Variants in CLIP1 observed in about 807,000 individuals in gnomAD.
CLIP1 encodes CAP-Gly domain containing linker protein 1, also known as CAP-Gly domain-containing linker protein 1.
CLIP1 carries 66 observed loss-of-function variants against 161.6 expected under a neutral mutation model. The observed-to-expected ratio is 0.41, with a 90% CI of 0.33 to 0.50. The LOEUF is 0.50. Among genes scored for constraint, CLIP1 ranks in the 20% least tolerant of loss-of-function variants. CLIP1 has a pLI of 0.27. For synonymous variants in CLIP1, 598 were observed against 626.2 expected, an observed-to-expected ratio of 0.96 and a Z score of 0.67; for missense variants, 1,376 against 1,702.0, an observed-to-expected ratio of 0.81 and a Z score of 3.37.
At chr12:122,291,625 G>C (rs1234949557) in intron 20 of CLIP1, among the ~76,000 whole-genome samples, 1 of 152,144 alleles carries the variant, frequency 6.6e-6, no homozygotes, top group Non-Finnish European at 1.5e-5. Context: ...TTTTTGGCAG[G>C]AACACCACAG....
At chr12:122,277,163 G>T (rs7311354) in intron 24 of CLIP1, 13,438 of 154,328 alleles carry the variant, frequency 0.087, 757 homozygotes, top group African/African-American at 0.16. Context: ...TGCCATTGTT[G>T]CTCAGGCTGG....
intron 17 of CLIP1, among the ~76,000 whole-genome samples, chr12:122,321,560 C>G (rs1392175818): frequency 6.6e-6 from 1 of 152,028 alleles, no homozygotes; most frequent in African/African-American, 2.4e-5. Flanking sequence ...GCTCTGTCAA[C>G]CAGGCTGGAG....
Position 122,279,243 on chromosome 12 carries a change from T to TAAA in CLIP1, c.3648-101_3648-99dup. On this transcript the variant is annotated intron_variant, in intron 21 of 25. Transcript: ENST00000620786. This position sits in a 1 kb window ranked among gnomAD's most constrained non-coding sequence, Gnocchi z 4.5. ...AACACATAATTAATGTTAGTTAATG[T>TAAA]AAAAAAAAAAATATAACAGGGAAGT... The TAAA allele has an allele frequency of 1.6e-6, 1 of 635,292 alleles. No homozygotes were observed. Among genetic ancestry groups the TAAA allele is most frequent in the Non-Finnish European group, 2.5e-6 (1 of 402,140 alleles). 39.4% of individuals were successfully genotyped at this position (635,292 alleles called of 1,614,324 possible).
intron 4 of CLIP1, among the ~76,000 whole-genome samples, chr12:122,362,672 T>TAAAAA: frequency 1.2e-5 from 1 of 84,964 alleles, no homozygotes; most frequent in Non-Finnish European, 2.4e-5. Flanking sequence ...AAAAAAAAAG[T>TAAAAA]TCATTGAAAA....
At chr12:122,366,494 G>C (rs546217655) in intron 3 of CLIP1, among the ~76,000 whole-genome samples, 5 of 151,832 alleles carry the variant, frequency 3.3e-5, no homozygotes, top group African/African-American at 1.2e-4. Flanking sequence ...AATAATAATT[G>C]ACTCTTGCTA....
chr12:122,321,018 T>A (rs1258261426), intron 17 of CLIP1, among the ~76,000 whole-genome samples: 2 of 144,984 alleles, frequency 1.4e-5, no homozygotes, highest in South Asian at 2.2e-4. Flanking sequence ...AGACTCTGTC[T>A]TAAATAAATA....
chr12:122,287,752 AGAGT>A (rs1955915921), intron 21 of CLIP1, among the ~76,000 whole-genome samples: 3 of 152,190 alleles, frequency 2.0e-5, no homozygotes, highest in Non-Finnish European at 4.4e-5. Context: ...CTATCATGGG[AGAGT>A]AAGTAAGAAA....
intron 3 of CLIP1, among the ~76,000 whole-genome samples, chr12:122,372,550 G>A (rs1954508194): frequency 6.6e-6 from 1 of 151,136 alleles, no homozygotes; most frequent in Admixed American, 6.6e-5. Context: ...TCATGCCACT[G>A]CACTCCAGCT....
intron 20 of CLIP1, among the ~76,000 whole-genome samples, chr12:122,306,998 C>G (rs553452582): frequency 3.7e-5 from 3 of 81,014 alleles, no homozygotes; most frequent in South Asian, 8.4e-4. Context: ...GGTAAGTTCA[C>G]TTTTTTTTTT....
rs1041311383 is a variant in CLIP1 at position 122,290,327 on chromosome 12, G to C, written c.3595-1786C>G. Among the ~76,000 whole-genome samples, 19 of 152,050 alleles carry C rather than the reference G, an allele frequency of 1.2e-4. 1 individual carries two copies. The highest frequency in any genetic ancestry group is 3.4e-4 in the African/African-American group (14 of 41,420). ...GCCCATTAAGATGTATGTTTTTGCTGCATGACTAATTCACAGAAATATTTA... is the reference window on the plus strand; with the variant it reads ...GCCCATTAAGATGTATGTTTTTGCTCCATGACTAATTCACAGAAATATTTA... On this transcript the variant is annotated intron_variant, in intron 20 of 25. Transcript: ENST00000620786.
intron 5 of CLIP1, among the ~76,000 whole-genome samples, chr12:122,359,815 G>A (rs973553353): frequency 1.3e-5 from 2 of 152,112 alleles, no homozygotes; most frequent in African/African-American, 2.4e-5. Context: ...GCAGCACAAC[G>A]CAACATCCTA....
intron 1 of CLIP1, among the ~76,000 whole-genome samples, chr12:122,389,758 CAAAAAAAA>C (rs57168188): frequency 1.4e-4 from 10 of 69,306 alleles, no homozygotes; most frequent in South Asian, 1.4e-3. Flanking sequence ...GATCCTGTCT[CAAAAAAAA>C]AAAAAAAAAA....
intron 1 of CLIP1, among the ~76,000 whole-genome samples, chr12:122,410,818 G>C (rs997961890): frequency 2.0e-5 from 3 of 152,102 alleles, no homozygotes; most frequent in Non-Finnish European, 4.4e-5. Context: ...CTCCAAAGAA[G>C]CTATACAAAC....
At chr12:122,335,417 G>A (rs189436725) in intron 12 of CLIP1, among the ~76,000 whole-genome samples, 207 of 151,864 alleles carry the variant, frequency 1.4e-3, no homozygotes, top group African/African-American at 4.7e-3. Flanking sequence ...TAAGATATAC[G>A]GAAGGATACT....
At chr12:122,282,353 A>G (rs1410044632) in intron 21 of CLIP1, among the ~76,000 whole-genome samples, 1 of 152,180 alleles carries the variant, frequency 6.6e-6, no homozygotes, top group African/African-American at 2.4e-5. Flanking sequence ...ATGACTTGGT[A>G]TTACCAAAAA....
chr12:122,387,577 TATATATATATATA>T (rs1233988228), intron 1 of CLIP1, among the ~76,000 whole-genome samples: 3 of 4,194 alleles, frequency 7.2e-4, no homozygotes, highest in African/African-American at 1.3e-3. Flanking sequence ...TATATATATA[TATATATATATATA>T]TTTTTTTTTT....
chr12:122,371,648 G>C (rs1954457223), intron 3 of CLIP1, among the ~76,000 whole-genome samples: 1 of 152,192 alleles, frequency 6.6e-6, no homozygotes, highest in Non-Finnish European at 1.5e-5. Context: ...ATGATGGCCT[G>C]ACCCAAAGCA....
chr12:122,309,487 G>C (rs1240058680), intron 20 of CLIP1, among the ~76,000 whole-genome samples: 2 of 152,156 alleles, frequency 1.3e-5, no homozygotes, highest in Non-Finnish European at 2.9e-5. Flanking sequence ...TTTAAATGTT[G>C]AGCTACAAGA....
At chr12:122,333,597 G>C (rs1466195241) in intron 14 of CLIP1, among the ~76,000 whole-genome samples, 1 of 152,216 alleles carries the variant, frequency 6.6e-6, no homozygotes, top group African/African-American at 2.4e-5. Flanking sequence ...TAAGGATCAC[G>C]GCTTTCCCTG....
Sources: gnomAD v4.1 joint callset for allele counts (sites outside exome capture counted in the v4.1 genomes callset) on GRCh38, gnomAD v4.1.1 for gene constraint, Gnocchi (gnomAD v3.1) non-coding constraint, MANE v1.5 for transcripts, NCBI Gene and HGNC (gene_info 2026-07-23, HGNC 2026-07-21) for gene names.